CLTA: variants seen among roughly 807,000 people sequenced by gnomAD.
CLTA encodes the protein clathrin light chain A, also known as clathrin, light polypeptide (Lca).
CLTA carries 9 observed loss-of-function variants against 26.9 expected under a neutral mutation model. The ratio of observed to expected loss-of-function variants is 0.33; its 90% CI spans 0.20 to 0.58. CLTA has a LOEUF of 0.58. CLTA is among the 20% of genes least tolerant of loss of function. The pLI is 0.85. For missense variants in CLTA, 278 were observed against 294.2 expected (o/e 0.94, Z 0.40); for synonymous variants, 120 against 115.5 (o/e 1.04, Z -0.25).
At chr9:36,209,313 G>A in intron 4 of CLTA, 1 of 1,611,830 alleles carries the variant, frequency 6.2e-7, no homozygotes, top group Admixed American at 1.7e-5. Context: ...TGACGTGATT[G>A]GTTATGTGTA....
chr9:36,193,070 G>T (rs2132850835), intron 1 of CLTA, among the ~76,000 whole-genome samples: 1 of 152,316 alleles, frequency 6.6e-6, no homozygotes, highest in Admixed American at 6.5e-5. Context: ...AGTTAGGGAA[G>T]GTAAAAGGGA....
chr9:36,205,752 C>T (rs944657126), intron 4 of CLTA, among the ~76,000 whole-genome samples: 2 of 132,996 alleles, frequency 1.5e-5, no homozygotes, highest in Admixed American at 1.6e-4. Flanking sequence ...AGTAATGACA[C>T]CTGTTTTTTT....
intron 4 of CLTA, among the ~76,000 whole-genome samples, chr9:36,210,997 C>T (rs1310214329): frequency 6.6e-6 from 1 of 152,200 alleles, no homozygotes; most frequent in Non-Finnish European, 1.5e-5. Context: ...CCCTGAGTGG[C>T]CCCAAGGCAC....
chr9:36,205,376 T>A (rs1023214533), intron 4 of CLTA, among the ~76,000 whole-genome samples: 2 of 152,158 alleles, frequency 1.3e-5, no homozygotes, highest in African/African-American at 4.8e-5. Context: ...GTTGAGCCTG[T>A]GGTCAGTAGG....
chr9:36,206,424 G>C (rs752903650), intron 4 of CLTA, among the ~76,000 whole-genome samples: 6 of 151,858 alleles, frequency 4.0e-5, no homozygotes, highest in Admixed American at 1.3e-4. Flanking sequence ...TCACTTTGGG[G>C]GACTTCTTCC....
At chr9:36,211,240 C>A (rs1828023550) in intron 4 of CLTA, among the ~76,000 whole-genome samples, 1 of 152,204 alleles carries the variant, frequency 6.6e-6, no homozygotes, top group African/African-American at 2.4e-5. Context: ...TACAGCCCAG[C>A]ATAAACTACT....
In CLTA at chr9:36,191,097, C is replaced by T. The variant is rs747057246; in HGVS notation, c.41C>T (p.Pro14Leu). The change falls in exon 1 of 5, where the codon CCT (proline) becomes CTT (leucine). Residue 14 changes from proline (P) to leucine (L), a missense_variant. Coordinates refer to ENST00000345519, the MANE Select transcript of CLTA (RefSeq NM_001833.4). ...LDPFGAPAGA[P>L]GGPALGNGVA... Reference sequence around the variant, plus strand: ...CCGTTCGGCGCCCCTGCCGGCGCCCCTGGCGGTCCCGCGCTGGGGAACGGA... The same window carrying T: ...CCGTTCGGCGCCCCTGCCGGCGCCCTTGGCGGTCCCGCGCTGGGGAACGGA... The T allele has an allele frequency of 1.3e-5, 21 of 1,593,118 alleles. No homozygotes were observed. The highest frequency in any genetic ancestry group is 1.8e-5 in the Non-Finnish European group (21 of 1,174,614).
At chr9:36,204,522 G>A (rs999416173) in intron 4 of CLTA, among the ~76,000 whole-genome samples, 1 of 152,160 alleles carries the variant, frequency 6.6e-6, no homozygotes, top group African/African-American at 2.4e-5. Flanking sequence ...CTTTGGATAT[G>A]ATTATAGACT....
chr9:36,211,830 C>A lies in CLTA; in HGVS notation c.*56C>A. ...AATATCTTAATCCTACTCAGTGAAG[C>A]TCTTCACAGTCATTGGATTAATTAT... is the stretch of plus-strand genomic sequence containing the variant. On this transcript the variant is annotated 3_prime_UTR_variant, in exon 5 of 5. Transcript: ENST00000345519. 1 of 1,386,086 alleles carries A rather than the reference C, an allele frequency of 7.2e-7. No individual in the cohort carries two copies. The highest frequency in any genetic ancestry group is 1.0e-6 in the Non-Finnish European group (1 of 994,914). 85.9% of individuals were successfully genotyped at this position (1,386,086 alleles called of 1,614,324 possible).
rs1051820678 is a variant in CLTA, at chr9:36,190,954, TC to T, written c.-101del. 14 of 1,437,664 alleles carry T rather than the reference TC, an allele frequency of 9.7e-6. No individual in the cohort carries two copies. The African/African-American group carries it at 2.1e-4, about 21-fold the overall frequency. The allele number at this position is 1,437,664 out of a possible 1,614,324, so 89.1% of individuals were successfully genotyped here. A position where few individuals can be genotyped will look rare whatever the true frequency, so the allele number is the denominator to read the frequency against. ...CCCGTCTCCCTCCTGGCGCTTGTCC[TC>T]CTCTCCCAGTCGGCACCACAGCGGT... On this transcript the variant is annotated 5_prime_UTR_variant, in exon 1 of 5. Coordinates refer to ENST00000345519, the MANE Select transcript of CLTA (RefSeq NM_001833.4).
intron 3 of CLTA, among the ~76,000 whole-genome samples, chr9:36,203,111 G>C (rs1028535761): frequency 6.6e-6 from 1 of 152,070 alleles, no homozygotes; most frequent in African/African-American, 2.4e-5. Flanking sequence ...GGGATTACAG[G>C]CGTGAGCCAC....
At chr9:36,208,616 C>T (rs114009044) in intron 4 of CLTA, among the ~76,000 whole-genome samples, 2,068 of 152,278 alleles carry the variant, frequency 0.014, 51 homozygotes, top group African/African-American at 0.045. Context: ...GTGTATCCCA[C>T]CCAGACAGTG....
At chr9:36,190,920 T>C, upstream of CLTA, 1 of 1,387,494 alleles carries the variant, frequency 7.2e-7, no homozygotes, top group Non-Finnish European at 9.4e-7. Context: ...GGGTAGGGCT[T>C]CCGCTTTACC....
chr9:36,204,243 T>A (rs1827591136), intron 4 of CLTA, 64 bp downstream of exon 4: 2 of 1,538,620 alleles, frequency 1.3e-6, no homozygotes, highest in Admixed American at 2.0e-5. Context: ...ATTCTCAGCA[T>A]CCAGTCTCGG....
chr9:36,195,933 AC>A (rs1827001987), intron 1 of CLTA, among the ~76,000 whole-genome samples: 1 of 151,828 alleles, frequency 6.6e-6, no homozygotes, highest in African/African-American at 2.4e-5. Context: ...GCGCCAGTGT[AC>A]TCTAGCCTGG....
At chr9:36,205,457 G>C (rs1052190659) in intron 4 of CLTA, among the ~76,000 whole-genome samples, 3 of 152,164 alleles carry the variant, frequency 2.0e-5, no homozygotes, top group Admixed American at 2.0e-4. Flanking sequence ...TGGAAGTTCA[G>C]ATCGGTAAAG....
chr9:36,211,582 A>C lies in CLTA; in HGVS notation c.486-21A>C, dbSNP rs761778360. On this transcript the variant is annotated intron_variant, in intron 4 of 4. Coordinates refer to ENST00000345519, the MANE Select transcript of CLTA (RefSeq NM_001833.4). ...CAAAGGGGGTTCTGCATAAACCAAC[A>C]TATTTTGTTGTTGCTTCCAGGGCAG... 8 of 1,598,264 alleles carry C rather than the reference A, an allele frequency of 5.0e-6. No individual in the cohort carries two copies. In the South Asian group the frequency reaches 8.9e-5, roughly 18 times the overall value.
chr9:36,197,559 G>C lies in CLTA; in HGVS notation c.226G>C (p.Asp76His). 1 of 1,611,472 alleles carries C rather than the reference G, an allele frequency of 6.2e-7. No homozygotes were observed. The highest frequency in any genetic ancestry group is 8.5e-7 in the Non-Finnish European group (1 of 1,178,256). ...AATCTTATGTCTTGCAGATGCTGTT[G>C]ATGGAGTAATGAATGGTGAATACTA... ...GEPPGGPDAV[D>H]GVMNGEYYQE... The change falls in exon 2 of 5, where the codon GAT (aspartate) becomes CAT (histidine). Residue 76 changes from aspartate to histidine, a missense_variant. Physicochemically the swap from Asp to His is moderately conservative, Grantham distance 81. Transcript: ENST00000345519.
At chr9:36,204,268 C>CT (rs752347645) in intron 4 of CLTA, 89 bp downstream of exon 4, 62 of 1,401,162 alleles carry the variant, frequency 4.4e-5, no homozygotes, top group Admixed American at 2.7e-4. Context: ...TGGCTTCTGC[C>CT]TCCTTTAGTG....
Sources: allele counts gnomAD v4.1 joint callset (sites outside exome capture counted in the v4.1 genomes callset), GRCh38; gene constraint gnomAD v4.1.1; transcripts MANE v1.5; gene names NCBI Gene and HGNC (gene_info 2026-07-23, HGNC 2026-07-21).